The following UNC13C variants were observed in gnomAD, a reference collection of about 807,000 sequenced individuals.
UNC13C encodes protein unc-13 homolog C.
UNC13C carries 174 observed loss-of-function variants against 245.4 expected under a neutral mutation model. That is an observed-to-expected ratio of 0.71 (90% CI 0.63 to 0.80). The LOEUF (loss-of-function observed/expected upper bound fraction) is 0.80. Among genes scored for constraint, UNC13C ranks in the 30% least tolerant of loss-of-function variants. The pLI is 0.00. For missense variants in UNC13C, 2,829 were observed against 2,602.9 expected (o/e 1.09, Z -1.89); for synonymous variants, 992 against 895.1 (o/e 1.11, Z -1.93).
At chr15:53,894,404 C>T in the UNC13C span, among the ~76,000 whole-genome samples, 1 of 152,210 alleles carries the variant, frequency 6.6e-6, no homozygotes, top group African/African-American at 2.4e-5. Context: ...CGTAGGTTGG[C>T]TCAACAAACC....
chr15:54,171,090 G>A (rs944158513), intron 4 of UNC13C, among the ~76,000 whole-genome samples: 1 of 152,090 alleles, frequency 6.6e-6, no homozygotes, highest in African/African-American at 2.4e-5. Context: ...ATAACCAGCT[G>A]CCCAATAGAA....
chr15:54,379,089 T>C (rs962795101), intron 17 of UNC13C, among the ~76,000 whole-genome samples: 4 of 152,116 alleles, frequency 2.6e-5, no homozygotes, highest in Admixed American at 6.5e-5. Context: ...CTTTTGATAA[T>C]TACTCTTAAG....
At chr15:54,037,934 A>G (rs1896639892) in intron 2 of UNC13C, among the ~76,000 whole-genome samples, 1 of 150,778 alleles carries the variant, frequency 6.6e-6, no homozygotes, top group Admixed American at 6.6e-5. Flanking sequence ...TGTAAAAGCA[A>G]TGGAGGTTTT....
intron 4 of UNC13C, among the ~76,000 whole-genome samples, chr15:54,186,213 C>T (rs2033978036): frequency 6.6e-6 from 1 of 152,096 alleles, no homozygotes. Context: ...ATGTCATCTG[C>T]AAACAGGGAC....
intron 2 of UNC13C, among the ~76,000 whole-genome samples, chr15:54,021,180 T>C (rs1566955908): frequency 6.6e-6 from 1 of 152,192 alleles, no homozygotes. Flanking sequence ...CATATTTTTT[T>C]TTTAGTGAGA....
In UNC13C at chr15:54,622,369, T is replaced by G. The variant is rs1024722291; in HGVS notation, c.6149T>G (p.Val2050Gly). Residue 2050 changes from valine (V) to glycine (G), a missense_variant, in exon 31 of 33, where the codon GTG becomes GGG. By Grantham distance (109) the Val-to-Gly change is moderately radical. Transcript: ENST00000260323. ...KDAVGQISVHVDITATPGTGD... is the reference protein window; with the variant it reads ...KDAVGQISVHGDITATPGTGD... ...GCCGTGGGTCAGATATCTGTTCATG[T>G]GGACATCACTGCCACCCCAGGAACG... is the stretch of plus-strand genomic sequence containing the variant. 6.2e-7 allele frequency: 1 copy of G among 1,613,264 alleles called. No homozygotes were observed. The highest frequency in any genetic ancestry group is 1.3e-5 in the African/African-American group (1 of 74,882).
At chr15:53,854,349 A>G in the UNC13C span, among the ~76,000 whole-genome samples, 93,130 of 151,644 alleles carry the variant, frequency 0.61, 28,875 homozygotes, top group East Asian at 0.76. Context: ...TCGAGCTCTT[A>G]ACCTCGTGAT....
At chr15:54,273,141 T>A (rs1292297578) in intron 10 of UNC13C, among the ~76,000 whole-genome samples, 1 of 152,148 alleles carries the variant, frequency 6.6e-6, no homozygotes, top group Non-Finnish European at 1.5e-5. Flanking sequence ...ACAATTAAAC[T>A]AGTACATGGA....
At chr15:54,111,686 T>G (rs1745440309) in intron 2 of UNC13C, among the ~76,000 whole-genome samples, 1 of 152,192 alleles carries the variant, frequency 6.6e-6, no homozygotes, top group African/African-American at 2.4e-5. Flanking sequence ...TTCATGGGAA[T>G]CAACAGGAGA....
the UNC13C span, among the ~76,000 whole-genome samples, chr15:53,903,610 C>G: frequency 6.6e-6 from 1 of 152,178 alleles, no homozygotes; most frequent in Non-Finnish European, 1.5e-5. Context: ...CCCATAATCT[C>G]CAAGGTGTTC....
intron 2 of UNC13C, among the ~76,000 whole-genome samples, chr15:54,109,272 TCCCCTCCCCTCCCCTCCCCTCCCTTCCCC>T (rs1567020542): frequency 1.5e-5 from 1 of 67,402 alleles, no homozygotes; most frequent in Non-Finnish European, 3.2e-5. Flanking sequence ...TTCCCTCTCC[TCCCCTCCCCTCCCCTCCCCTCCCTTCCCC>T]TCCCCTCCCC....
intron 10 of UNC13C, among the ~76,000 whole-genome samples, chr15:54,266,297 T>C (rs953822414): frequency 2.6e-5 from 4 of 151,960 alleles, no homozygotes; most frequent in African/African-American, 9.7e-5. Context: ...AGAAATAGGT[T>C]TGGAAAATCA....
intron 30 of UNC13C, among the ~76,000 whole-genome samples, chr15:54,604,750 G>A (rs779104177): frequency 1.8e-4 from 28 of 152,122 alleles, no homozygotes; most frequent in Non-Finnish European, 3.2e-4. Context: ...CAGTGTTCTG[G>A]AGGACTCTGA....
chr15:54,446,158 A>G (rs537281831), intron 19 of UNC13C, among the ~76,000 whole-genome samples: 6 of 152,130 alleles, frequency 3.9e-5, no homozygotes, highest in Admixed American at 1.3e-4. Flanking sequence ...CTATATCTCT[A>G]TTTTGGTAAC....
chr15:54,279,675 GT>G (rs771132377), intron 10 of UNC13C, among the ~76,000 whole-genome samples: 1 of 152,120 alleles, frequency 6.6e-6, no homozygotes, highest in Non-Finnish European at 1.5e-5. Flanking sequence ...GACTGATCCT[GT>G]TTTCTTGCCA....
the UNC13C span, among the ~76,000 whole-genome samples, chr15:53,970,970 C>T: frequency 1.3e-5 from 2 of 152,114 alleles, no homozygotes; most frequent in Admixed American, 6.5e-5. Context: ...TTTTCATTTC[C>T]ACCAACAGTG....
At chr15:53,930,393 G>C in the UNC13C span, among the ~76,000 whole-genome samples, 2 of 152,200 alleles carry the variant, frequency 1.3e-5, no homozygotes, top group African/African-American at 4.8e-5. Flanking sequence ...TTTACCTCTT[G>C]ATGGAAGGAG....
At chr15:54,472,029 T>C (rs1028620054) in intron 19 of UNC13C, among the ~76,000 whole-genome samples, 2 of 151,810 alleles carry the variant, frequency 1.3e-5, no homozygotes, top group African/African-American at 4.8e-5. Flanking sequence ...TTGCAGATCC[T>C]TTATTCCTTT....
intron 10 of UNC13C, 135 bp downstream of exon 10, chr15:54,265,631 A>G: frequency 1.6e-6 from 1 of 637,034 alleles, no homozygotes; most frequent in Middle Eastern, 4.8e-4. Flanking sequence ...AGTAAAAGTA[A>G]TGTTATAAAC....
Sources: gnomAD v4.1 joint callset for allele counts (sites outside exome capture counted in the v4.1 genomes callset) on GRCh38, gnomAD v4.1.1 for gene constraint, MANE v1.5 for transcripts, NCBI Gene and HGNC (gene_info 2026-07-23, HGNC 2026-07-21) for gene names.